Variants in TEX2 observed in about 807,000 individuals in gnomAD.
TEX2 encodes testis expressed 2.
A neutral mutation model predicts 106.9 loss-of-function variants in TEX2; 53 were observed. The observed-to-expected ratio is 0.50, with a 90% confidence interval of 0.40 to 0.62. TEX2 has a LOEUF of 0.62. TEX2 is among the 20% of genes least tolerant of loss of function. The pLI is 0.00. For missense variants in TEX2, 1,207 were observed against 1,379.0 expected (o/e 0.88, Z 1.98); for synonymous variants, 523 against 534.8 (o/e 0.98, Z 0.30).
At chr17:64,245,171 T>C (rs1194572488) in intron 1 of TEX2, among the ~76,000 whole-genome samples, 1 of 152,184 alleles carries the variant, frequency 6.6e-6, no homozygotes, top group Non-Finnish European at 1.5e-5. Context: ...CTTACACTAT[T>C]ATTTTTACAA....
At chr17:64,178,999 T>C (rs1455586923) in intron 5 of TEX2, among the ~76,000 whole-genome samples, 1 of 152,232 alleles carries the variant, frequency 6.6e-6, no homozygotes, top group Non-Finnish European at 1.5e-5. Context: ...CGTGCACTCA[T>C]TCTGAAGCTT....
Position 64,213,073 on chromosome 17 carries a change from A to G in TEX2, c.1145T>C (p.Leu382Pro). 1 of 1,614,160 alleles carries G rather than the reference A, an allele frequency of 6.2e-7. No homozygotes were observed. Among genetic ancestry groups the G allele is most frequent in the South Asian group, 1.1e-5 (1 of 91,082 alleles). Residue 382 changes from leucine to proline, a missense_variant, in exon 2 of 12, where the codon CTG (leucine) becomes CCG (proline). Coordinates refer to ENST00000584379, the MANE Select transcript of TEX2 (RefSeq NM_001288732.2). The surrounding 1 kb of genome is among the most constrained non-coding windows in gnomAD (Gnocchi z 4.4). Reference sequence around the variant, plus strand: ...CAGACTGCTCCCCTGGGAACTTTTCAGTTCTATCTCTCTTGTGGGCTCACC... The same window carrying G: ...CAGACTGCTCCCCTGGGAACTTTTCGGTTCTATCTCTCTTGTGGGCTCACC... ...STGEPTREIE[L>P]KSSQGSSLKD...
chr17:64,178,994 A>G (rs2031727919), intron 5 of TEX2, among the ~76,000 whole-genome samples: 1 of 152,140 alleles, frequency 6.6e-6, no homozygotes, highest in Admixed American at 6.5e-5. Flanking sequence ...AGCTCCGTGC[A>G]CTCATTCTGA....
chr17:64,188,520 A>C (rs1248058273), intron 4 of TEX2, 105 bp from the exon 5 acceptor site: 3 of 1,542,276 alleles, frequency 1.9e-6, no homozygotes, highest in Non-Finnish European at 2.6e-6. Context: ...TGACTGTTTA[A>C]AAATATTTAT....
intron 1 of TEX2, among the ~76,000 whole-genome samples, chr17:64,219,774 A>G (rs1555633066): frequency 6.6e-6 from 1 of 152,182 alleles, no homozygotes; most frequent in Non-Finnish European, 1.5e-5. Flanking sequence ...CACTAAAGAG[A>G]TAAGTCTAGT....
intron 1 of TEX2, among the ~76,000 whole-genome samples, chr17:64,236,343 G>A (rs933016488): frequency 1.1e-4 from 16 of 152,046 alleles, no homozygotes; most frequent in African/African-American, 2.4e-4. Context: ...CAGGAGGATC[G>A]CTTGAGCCCC....
intron 6 of TEX2, among the ~76,000 whole-genome samples, chr17:64,172,867 T>C (rs893555059): frequency 6.6e-6 from 1 of 152,222 alleles, no homozygotes; most frequent in Admixed American, 6.5e-5. Flanking sequence ...CTACAGGAAA[T>C]AACATAAGAA....
chr17:64,259,457 C>A (rs2034249373), intron 1 of TEX2, among the ~76,000 whole-genome samples: 1 of 152,272 alleles, frequency 6.6e-6, no homozygotes, highest in African/African-American at 2.4e-5. Context: ...ACAATATTTA[C>A]TTTAAACTTG....
At chr17:64,221,280 G>C (rs782636064) in intron 1 of TEX2, among the ~76,000 whole-genome samples, 3 of 152,136 alleles carry the variant, frequency 2.0e-5, no homozygotes, top group Non-Finnish European at 4.4e-5. Flanking sequence ...GTTGACAGGT[G>C]CAGCAAACAA....
intron 8 of TEX2, among the ~76,000 whole-genome samples, chr17:64,159,746 A>G (rs1437452797): frequency 6.6e-6 from 1 of 152,256 alleles, no homozygotes; most frequent in African/African-American, 2.4e-5. Context: ...ATTTTAACAA[A>G]TAGAAAAATG....
chr17:64,177,510 A>T (rs755571959), intron 5 of TEX2, 39 bp from the exon 6 acceptor site: 1 of 1,604,538 alleles, frequency 6.2e-7, no homozygotes, highest in Non-Finnish European at 8.5e-7. Context: ...CTAGAAAGCA[A>T]CTGGAGAATA....
At chr17:64,235,731 C>T (rs1173680023) in intron 1 of TEX2, among the ~76,000 whole-genome samples, 3 of 152,088 alleles carry the variant, frequency 2.0e-5, no homozygotes, top group African/African-American at 7.2e-5. Flanking sequence ...GAGTATGACC[C>T]ATCCTATTCT....
chr17:64,261,084 A>G (rs994365149), intron 1 of TEX2, among the ~76,000 whole-genome samples: 4 of 152,206 alleles, frequency 2.6e-5, no homozygotes, highest in African/African-American at 9.6e-5. Context: ...CTCTGTTCTC[A>G]TATTAAGTAA....
At chr17:64,169,975 C>T (rs1025253720) in intron 7 of TEX2, among the ~76,000 whole-genome samples, 2 of 152,168 alleles carry the variant, frequency 1.3e-5, no homozygotes, top group Admixed American at 6.5e-5. Context: ...TTCTGGCCTA[C>T]CTGGCTCATT....
chr17:64,198,230 T>C (rs2032541692), intron 2 of TEX2, among the ~76,000 whole-genome samples: 1 of 151,788 alleles, frequency 6.6e-6, no homozygotes, highest in Admixed American at 6.6e-5. Flanking sequence ...AGCACAACCA[T>C]TTTCACCAAA....
chr17:64,154,494 C>T lies in TEX2; in HGVS notation c.2930+348G>A, dbSNP rs1031426444. 1.5e-4 allele frequency among the ~76,000 whole-genome samples: 23 copies of T among 152,208 alleles called. 1 individual carries two copies. The highest frequency in any genetic ancestry group is 9.8e-4 in the Admixed American group (15 of 15,286). On this transcript the variant is annotated intron_variant, in intron 9 of 11. Coordinates refer to ENST00000584379, the MANE Select transcript of TEX2 (RefSeq NM_001288732.2). Reference sequence around the variant, plus strand: ...CAGCTCAACAGAAGCAAATGCACTCCAGCTGAAGCTGAGGGGAGGGAGGCT... The same window carrying T: ...CAGCTCAACAGAAGCAAATGCACTCTAGCTGAAGCTGAGGGGAGGGAGGCT...
In TEX2 at chr17:64,160,676, G is replaced by A. The variant is rs2030840940; in HGVS notation, c.2804+125C>T. 11 of 1,228,752 alleles carry A rather than the reference G, an allele frequency of 9.0e-6. No individual in the cohort carries two copies. The East Asian group carries it at 2.4e-4, about 26-fold the overall frequency. The allele number at this position is 1,228,752 out of a possible 1,614,324, so 76.1% of individuals were successfully genotyped here. A position where few individuals can be genotyped will look rare whatever the true frequency, so the allele number is the denominator to read the frequency against. On this transcript the variant is annotated intron_variant, in intron 8 of 11. Coordinates refer to ENST00000584379, the MANE Select transcript of TEX2 (RefSeq NM_001288732.2). ...CATTCCCTGAAATGCTCTGGTCCAG[G>A]AGCACTTACACAGAAGCTCACTCAA... is the stretch of plus-strand genomic sequence containing the variant.
At chr17:64,175,950 C>T (rs147091207) in intron 6 of TEX2, among the ~76,000 whole-genome samples, 57 of 152,346 alleles carry the variant, frequency 3.7e-4, no homozygotes, top group Non-Finnish European at 7.1e-4. Flanking sequence ...CTCAAGCCTT[C>T]CATCATTTCC....
intron 1 of TEX2, among the ~76,000 whole-genome samples, chr17:64,246,730 T>C (rs1018505267): frequency 6.6e-6 from 1 of 152,180 alleles, no homozygotes; most frequent in Non-Finnish European, 1.5e-5. Flanking sequence ...AGCAGATGTG[T>C]GTTCTAGAAC....
Sources: gnomAD v4.1 joint callset for allele counts (sites outside exome capture counted in the v4.1 genomes callset) on GRCh38, gnomAD v4.1.1 for gene constraint, Gnocchi (gnomAD v3.1) non-coding constraint, MANE v1.5 for transcripts, NCBI Gene and HGNC (gene_info 2026-07-23, HGNC 2026-07-21) for gene names.